Variants in ADAMTS19 observed in about 807,000 individuals in gnomAD.
The protein encoded by ADAMTS19 is ADAM metallopeptidase with thrombospondin type 1 motif 19, also known as A disintegrin and metalloproteinase with thrombospondin motifs 19.
In ADAMTS19, 93 loss-of-function variants were observed where a neutral mutation model predicts 153.3. That is an observed-to-expected ratio of 0.61 (90% CI 0.51 to 0.72). ADAMTS19 has a LOEUF of 0.72. Among genes scored for constraint, ADAMTS19 ranks in the 30% least tolerant of loss-of-function variants. The pLI, the probability that ADAMTS19 is intolerant of heterozygous loss-of-function variation, is 0.00. For missense variants in ADAMTS19, 1,482 were observed against 1,552.1 expected (o/e 0.95, Z 0.76); for synonymous variants, 600 against 556.6 (o/e 1.08, Z -1.10).
At chr5:129,477,620 A>G (rs1750268176) in intron 2 of ADAMTS19, among the ~76,000 whole-genome samples, 1 of 152,204 alleles carries the variant, frequency 6.6e-6, no homozygotes, top group South Asian at 2.1e-4. Context: ...AATATGGTTT[A>G]AAAGGTCTCC....
At chr5:129,520,439 T>A (rs987336771) in intron 3 of ADAMTS19, among the ~76,000 whole-genome samples, 4 of 152,168 alleles carry the variant, frequency 2.6e-5, no homozygotes, top group Non-Finnish European at 5.9e-5. Context: ...CACATAAATA[T>A]GAGTAACGTC....
chr5:129,580,914 C>G (rs749603113), intron 7 of ADAMTS19, among the ~76,000 whole-genome samples: 1 of 152,046 alleles, frequency 6.6e-6, no homozygotes, highest in African/African-American at 2.4e-5. Context: ...TGTGTCTCTG[C>G]CAGATTTTGG....
chr5:129,468,264 G>C (rs964117529), intron 2 of ADAMTS19, among the ~76,000 whole-genome samples: 2 of 152,252 alleles, frequency 1.3e-5, no homozygotes, highest in Admixed American at 1.3e-4. Flanking sequence ...CAGGAGAGTA[G>C]GAGAGTTTCT....
intron 16 of ADAMTS19, among the ~76,000 whole-genome samples, chr5:129,668,613 C>A (rs1754158420): frequency 6.6e-6 from 1 of 152,054 alleles, no homozygotes; most frequent in Non-Finnish European, 1.5e-5. Flanking sequence ...CCTTCTAATG[C>A]TTCTAATTCT....
intron 2 of ADAMTS19, among the ~76,000 whole-genome samples, chr5:129,480,789 A>C (rs1750380596): frequency 6.6e-6 from 1 of 152,180 alleles, no homozygotes; most frequent in Non-Finnish European, 1.5e-5. Flanking sequence ...ACTACTCAGC[A>C]AAAATACTCA....
At chr5:129,658,594 G>A (rs775037568) in intron 14 of ADAMTS19, 23 bp from the exon 15 acceptor site, 33 of 1,608,558 alleles carry the variant, frequency 2.1e-5, no homozygotes, top group Non-Finnish European at 2.5e-5. Flanking sequence ...TATTTATGAT[G>A]TGCTGTCACT....
At chr5:129,647,366 T>G (rs1349353649) in intron 11 of ADAMTS19, among the ~76,000 whole-genome samples, 1 of 152,180 alleles carries the variant, frequency 6.6e-6, no homozygotes, top group African/African-American at 2.4e-5. Context: ...GTAGGACATT[T>G]ATTTCTTGTT....
chr5:129,654,914 T>C (rs1011287147), intron 14 of ADAMTS19, among the ~76,000 whole-genome samples: 4 of 152,302 alleles, frequency 2.6e-5, no homozygotes, highest in Non-Finnish European at 5.9e-5. Context: ...ACATTTTATT[T>C]GCTTTTCTCT....
chr5:129,721,109 T>C (rs546368263), intron 21 of ADAMTS19, among the ~76,000 whole-genome samples: 1 of 152,350 alleles, frequency 6.6e-6, no homozygotes, highest in South Asian at 2.1e-4. Flanking sequence ...GTAGCCCCTT[T>C]GAATTAAACA....
intron 7 of ADAMTS19, among the ~76,000 whole-genome samples, chr5:129,578,093 CATACATAT>C (rs1749270763): frequency 2.6e-5 from 1 of 38,928 alleles, no homozygotes. Context: ...TATACATATA[CATACATAT>C]ACATATGCAT....
chr5:129,533,848 A>G (rs1053267795), intron 6 of ADAMTS19, among the ~76,000 whole-genome samples: 9 of 151,916 alleles, frequency 5.9e-5, no homozygotes, highest in African/African-American at 2.2e-4. Context: ...TCATTTCGTT[A>G]TGTACCCAGT....
chr5:129,549,977 T>C (rs1185336418), intron 6 of ADAMTS19, among the ~76,000 whole-genome samples: 1 of 141,202 alleles, frequency 7.1e-6, no homozygotes, highest in African/African-American at 2.6e-5. Context: ...GATATACATA[T>C]ACATGTATCT....
intron 3 of ADAMTS19, among the ~76,000 whole-genome samples, chr5:129,511,425 G>C (rs1212990354): frequency 1.3e-5 from 2 of 151,662 alleles, no homozygotes; most frequent in African/African-American, 4.8e-5. Context: ...CTCCAGCCTA[G>C]GTAATCTTGA....
chr5:129,615,927 A>G lies in ADAMTS19; in HGVS notation c.1479-4691A>G, dbSNP rs1751500423. On this transcript the variant is annotated intron_variant, in intron 8 of 22. Transcript: ENST00000274487. Reference sequence around the variant, plus strand: ...CTGAGTCTTACTTATCTTTTTGACTACAGTTCAGCACAGTAGTGGGTTCTC... The same window carrying G: ...CTGAGTCTTACTTATCTTTTTGACTGCAGTTCAGCACAGTAGTGGGTTCTC... Among the ~76,000 whole-genome samples, 3 of 152,094 alleles carry G rather than the reference A, an allele frequency of 2.0e-5. No individual in the cohort carries two copies. In the South Asian group the frequency reaches 6.2e-4, roughly 32 times the overall value.
intron 16 of ADAMTS19, among the ~76,000 whole-genome samples, chr5:129,677,978 A>G (rs1754625116): frequency 6.6e-6 from 1 of 151,836 alleles, no homozygotes; most frequent in Non-Finnish European, 1.5e-5. Flanking sequence ...ATACCTAGCT[A>G]ATTTTTGTAT....
chr5:129,519,366 A>G (rs2042170), intron 3 of ADAMTS19, among the ~76,000 whole-genome samples: 149,022 of 152,096 alleles, frequency 0.98, 73,028 homozygotes, highest in East Asian at 1. Context: ...AAAGTCTTCC[A>G]CACGTTTCCC....
intron 7 of ADAMTS19, among the ~76,000 whole-genome samples, chr5:129,578,416 G>C (rs184214903): frequency 1.4e-5 from 2 of 144,822 alleles, no homozygotes; most frequent in African/African-American, 5.1e-5. Flanking sequence ...GTACGTATAC[G>C]TACATATACC....
intron 6 of ADAMTS19, among the ~76,000 whole-genome samples, chr5:129,538,715 T>A (rs1752549679): frequency 6.6e-6 from 1 of 152,128 alleles, no homozygotes; most frequent in Non-Finnish European, 1.5e-5. Context: ...TCATCTTACA[T>A]ACTGTTTTAT....
At position 129,620,748 on chromosome 5, in the gene ADAMTS19, A is replaced by G. The variant is rs1231854377; in HGVS notation, c.1609A>G (p.Arg537Gly). The change falls in exon 9 of 23, where the codon AGA becomes GGA. Residue 537 changes from arginine to glycine, a missense_variant. Physicochemically the swap from Arg to Gly is moderately radical, Grantham distance 125. Around this residue, in one of 2 missense-constraint regions of ADAMTS19, gnomAD observed 866 missense variants for 827.7 expected, o/e 1.05. Coordinates refer to ENST00000274487, the MANE Select transcript of ADAMTS19 (RefSeq NM_133638.6). ...WSRCSKEDLE[R>G]FLRSKASNCL... The stretch of plus-strand genomic sequence containing the variant: ...TCGATGTAGCAAGGAAGATTTGGAA[A>G]GATTTCTCAGGTATGGAGGTCACTT... 5 of 1,612,340 alleles carry G rather than the reference A, an allele frequency of 3.1e-6. No homozygotes were observed. Among genetic ancestry groups the G allele is most frequent in the Middle Eastern group, 1.7e-4 (1 of 6,052 alleles).
Sources: gnomAD v4.1 joint callset for allele counts (sites outside exome capture counted in the v4.1 genomes callset) on GRCh38, gnomAD v4.1.1 for gene constraint, gnomAD v4.1.1 regional missense constraint, MANE v1.5 for transcripts, NCBI Gene and HGNC (gene_info 2026-07-23, HGNC 2026-07-21) for gene names.